The following ZFP1 variants were observed in gnomAD, a reference collection of about 807,000 sequenced individuals.
ZFP1 encodes the protein zinc finger protein 1 homolog.
A neutral mutation model predicts 38.5 loss-of-function variants in ZFP1; 32 were observed. The observed-to-expected ratio is 0.83, with a 90% CI of 0.63 to 1.12. The LOEUF (loss-of-function observed/expected upper bound fraction) is 1.12, where lower values mean the gene tolerates loss of function less well. Among genes scored for constraint, ZFP1 ranks in the 50% most tolerant of loss-of-function variants. The pLI is 0.00. For synonymous variants in ZFP1, 245 were observed against 168.8 expected (o/e 1.45, Z -3.50); for missense variants, 616 against 480.8 (o/e 1.28, Z -2.63).
upstream of ZFP1, among the ~76,000 whole-genome samples, chr16:75,145,619 G>A (rs1215210186): frequency 2.0e-5 from 3 of 152,192 alleles, no homozygotes; most frequent in African/African-American, 4.8e-5. Flanking sequence ...GCAAGGTGGT[G>A]GAGAAGGAGA....
At chr16:75,131,392 C>G in the ZFP1 span, among the ~76,000 whole-genome samples, 39 of 152,284 alleles carry the variant, frequency 2.6e-4, no homozygotes, top group East Asian at 7.1e-3. Context: ...GGGCAGAGCT[C>G]AGGACCATCC....
At chr16:75,149,255 G>C (rs760382866) in intron 1 of ZFP1, 3 of 152,190 alleles carry the variant, frequency 2.0e-5, no homozygotes, top group Non-Finnish European at 4.4e-5. Flanking sequence ...CTCACAACCC[G>C]GTGGTACTTT....
rs1434376597 is a variant in ZFP1, at chr16:75,170,485, C to G, written c.*151C>G. Reference sequence around the variant, plus strand: ...TATTAAAAATAGGATCCCATGAGAACATTATACTGGAAGTTACATGTGATA... The same window carrying G: ...TATTAAAAATAGGATCCCATGAGAAGATTATACTGGAAGTTACATGTGATA... On this transcript the variant is annotated 3_prime_UTR_variant, in exon 4 of 4. Transcript: ENST00000570010. 2.6e-6 allele frequency: 3 copies of G among 1,169,692 alleles called. No homozygotes were observed. The highest frequency in any genetic ancestry group is 3.4e-6 in the Non-Finnish European group (3 of 885,562). 72.5% of individuals were successfully genotyped at this position (1,169,692 alleles called of 1,614,324 possible). A position where few individuals can be genotyped will look rare whatever the true frequency, so the allele number is the denominator to read the frequency against.
upstream of ZFP1, among the ~76,000 whole-genome samples, chr16:75,146,414 G>A (rs184776835): frequency 5.9e-5 from 9 of 152,112 alleles, no homozygotes; most frequent in Admixed American, 5.9e-4. Flanking sequence ...TGATCCGCCC[G>A]CCTCGGCCTC....
At chr16:75,124,831 GAGATGTAAAAAA>G in the ZFP1 span, among the ~76,000 whole-genome samples, 2 of 138,048 alleles carry the variant, frequency 1.4e-5, no homozygotes, top group Non-Finnish European at 3.1e-5. Flanking sequence ...GGGAATAAAA[GAGATGTAAAAAA>G]AAGTTATAAA....
chr16:75,129,338 C>G, the ZFP1 span, among the ~76,000 whole-genome samples: 1 of 152,096 alleles, frequency 6.6e-6, no homozygotes, highest in South Asian at 2.1e-4. Context: ...TGATTTTCTT[C>G]TAAAATGCTT....
chr16:75,152,854 T>C, intron 1 of ZFP1, 55 bp from the exon 2 acceptor site: 1 of 1,524,716 alleles, frequency 6.6e-7, no homozygotes, highest in South Asian at 1.2e-5. Context: ...ATTCTAGGAG[T>C]TGTAAGGCAG....
At chr16:75,140,327 G>A in the ZFP1 span, among the ~76,000 whole-genome samples, 1 of 151,760 alleles carries the variant, frequency 6.6e-6, no homozygotes, top group Non-Finnish European at 1.5e-5. Flanking sequence ...CCAGCACCTT[G>A]GGAGACTGAG....
rs575851980 is a variant in ZFP1, at chr16:75,154,660, C to T, written c.15+1694C>T. 1.6e-3 allele frequency among the ~76,000 whole-genome samples: 235 copies of T among 151,298 alleles called. 3 individuals are homozygous for T. The highest frequency in any genetic ancestry group is 0.014 in the Admixed American group (205 of 15,150). Reference sequence around the variant, plus strand: ...GAGAAGGCAGAAGGAAGAGGCTCCCCTGACAGAGACAGAGGGAGGGGGGCT... The same window carrying T: ...GAGAAGGCAGAAGGAAGAGGCTCCCTTGACAGAGACAGAGGGAGGGGGGCT... On this transcript the variant is annotated intron_variant, in intron 2 of 3. Transcript: ENST00000570010.
At chr16:75,124,786 C>CA in the ZFP1 span, among the ~76,000 whole-genome samples, 1,397 of 66,680 alleles carry the variant, frequency 0.021, 24 homozygotes, top group Middle Eastern at 0.03. Flanking sequence ...GACTCCATCT[C>CA]AAAAAAAAAA....
intron 2 of ZFP1, among the ~76,000 whole-genome samples, chr16:75,165,807 G>A (rs2038044994): frequency 6.6e-6 from 1 of 151,922 alleles, no homozygotes; most frequent in Non-Finnish European, 1.5e-5. Flanking sequence ...ATTCTCAGCT[G>A]TTATCTCTTC....
upstream of ZFP1, among the ~76,000 whole-genome samples, chr16:75,145,786 C>G (rs1039369740): frequency 6.6e-6 from 1 of 152,184 alleles, no homozygotes; most frequent in Non-Finnish European, 1.5e-5. Flanking sequence ...TCAATAAAAC[C>G]TCTGCATTTA....
the ZFP1 span, among the ~76,000 whole-genome samples, chr16:75,124,065 G>A: frequency 6.6e-6 from 1 of 151,826 alleles, no homozygotes; most frequent in African/African-American, 2.4e-5. Flanking sequence ...CTGCACTCCA[G>A]CCTGGGTGAC....
At chr16:75,166,701 A>T in intron 2 of ZFP1, 69 bp from the exon 3 acceptor site, 1 of 1,598,908 alleles carries the variant, frequency 6.3e-7, no homozygotes, top group South Asian at 1.1e-5. Context: ...GAATGACATA[A>T]AGTTTTCATC....
chr16:75,152,253 T>G (rs1426899467), intron 1 of ZFP1, among the ~76,000 whole-genome samples: 1 of 152,172 alleles, frequency 6.6e-6, no homozygotes, highest in African/African-American at 2.4e-5. Context: ...TGGTTTCATA[T>G]TATTATTTTT....
the ZFP1 span, among the ~76,000 whole-genome samples, chr16:75,127,144 G>A: frequency 5.9e-5 from 9 of 152,132 alleles, no homozygotes; most frequent in Admixed American, 2.0e-4. Context: ...TGTCATTCAC[G>A]GATAATCGTC....
chr16:75,136,711 A>G, the ZFP1 span, among the ~76,000 whole-genome samples: 1 of 151,994 alleles, frequency 6.6e-6, no homozygotes, highest in African/African-American at 2.4e-5. Context: ...TCCACAAAAA[A>G]ATACAAAAAT....
At chr16:75,137,020 G>A in the ZFP1 span, among the ~76,000 whole-genome samples, 2 of 152,288 alleles carry the variant, frequency 1.3e-5, no homozygotes, top group Middle Eastern at 3.4e-3. Flanking sequence ...GCCCACCCGG[G>A]GCCAGCATTT....
At chr16:75,127,989 A>G in the ZFP1 span, 1 of 152,264 alleles carries the variant, frequency 6.6e-6, no homozygotes, top group African/African-American at 2.4e-5. Flanking sequence ...AGTTATTTGC[A>G]TAAGTGCAAA....
Sources: gnomAD v4.1 joint callset for allele counts (sites outside exome capture counted in the v4.1 genomes callset) on GRCh38, gnomAD v4.1.1 for gene constraint, MANE v1.5 for transcripts, NCBI Gene and HGNC (gene_info 2026-07-23, HGNC 2026-07-21) for gene names.